CALN1: variants seen among roughly 807,000 people sequenced by gnomAD.
CALN1 encodes calneuron 1, also known as calcium-binding protein 8.
A neutral mutation model predicts 30.6 loss-of-function variants in CALN1; 17 were observed. The observed-to-expected ratio is 0.56, with a 90% CI of 0.38 to 0.83. The LOEUF (loss-of-function observed/expected upper bound fraction) is 0.83, where lower values mean the gene tolerates loss of function less well. CALN1 is among the 40% of genes least tolerant of loss of function. The pLI is 0.00. For synonymous variants in CALN1, 156 were observed against 131.4 expected, an observed-to-expected ratio of 1.19 and a Z score of -1.28; for missense variants, 291 against 354.9, an observed-to-expected ratio of 0.82 and a Z score of 1.45.
chr7:71,858,133 G>T (rs1791060250), intron 5 of CALN1, among the ~76,000 whole-genome samples: 1 of 152,106 alleles, frequency 6.6e-6, no homozygotes, highest in Non-Finnish European at 1.5e-5. Flanking sequence ...TTAAATCATG[G>T]GGGTGGTTAC....
intron 3 of CALN1, among the ~76,000 whole-genome samples, chr7:72,154,785 G>A (rs1585052652): frequency 1.3e-5 from 2 of 152,260 alleles, no homozygotes; most frequent in East Asian, 1.9e-4. Context: ...TCTCATGCCT[G>A]TAATCCCAAT....
rs562373906 is a variant in CALN1 at position 71,931,170 on chromosome 7, C to CT, written c.501+92486dup. ...GTACATGAATAAGAAAAACTGAATT[C>CT]TTTTTTTAGAGGGGATAACATTTTG... On this transcript the variant is annotated intron_variant, in intron 5 of 6. Transcript: ENST00000395275. Among the ~76,000 whole-genome samples the CT allele has an allele frequency of 4.3e-3, 648 of 152,182 alleles. 4 individuals carry two copies. The highest frequency in any genetic ancestry group is 0.015 in the African/African-American group (604 of 41,538).
intron 3 of CALN1, among the ~76,000 whole-genome samples, chr7:72,115,014 A>C (rs1807867987): frequency 6.6e-6 from 1 of 151,630 alleles, no homozygotes; most frequent in Non-Finnish European, 1.5e-5. Context: ...AGGAGCTCAG[A>C]AGTGTTCCCA....
chr7:71,843,985 A>G (rs1790091792), intron 5 of CALN1, among the ~76,000 whole-genome samples: 2 of 152,116 alleles, frequency 1.3e-5, no homozygotes, highest in Non-Finnish European at 1.5e-5. Context: ...TTACTCAGGA[A>G]TTGATCTCGG....
intron 6 of CALN1, among the ~76,000 whole-genome samples, chr7:71,795,030 T>G (rs992494629): frequency 3.3e-5 from 5 of 152,136 alleles, no homozygotes; most frequent in African/African-American, 9.7e-5. Flanking sequence ...TTCTTTTCTT[T>G]TTTTCTTTTT....
intron 4 of CALN1, among the ~76,000 whole-genome samples, chr7:72,054,458 CATATATATACATATATACATACATAT>C (rs1803078511): frequency 1.5e-5 from 2 of 129,074 alleles, no homozygotes; most frequent in Non-Finnish European, 3.2e-5. Flanking sequence ...CATATATATA[CATATATATACATATATACATACATAT>C]ATATATACAT....
chr7:72,029,167 C>A (rs997091067), intron 4 of CALN1, among the ~76,000 whole-genome samples: 1 of 151,852 alleles, frequency 6.6e-6, no homozygotes, highest in African/African-American at 2.4e-5. Context: ...CACTCTGTTG[C>A]CCAGGCTGGA....
chr7:72,114,476 G>C (rs891495894), intron 3 of CALN1, among the ~76,000 whole-genome samples: 1 of 151,744 alleles, frequency 6.6e-6, no homozygotes, highest in Non-Finnish European at 1.5e-5. Context: ...CAAGAGTTTG[G>C]AGACAGGTGA....
intron 5 of CALN1, among the ~76,000 whole-genome samples, chr7:71,894,592 G>A (rs1044494746): frequency 3.9e-5 from 6 of 152,144 alleles, no homozygotes; most frequent in Admixed American, 2.0e-4. Context: ...TTTCTTCAAG[G>A]TCTTAAGTTT....
intron 5 of CALN1, among the ~76,000 whole-genome samples, chr7:71,831,644 GGGA>G (rs1211050579): frequency 6.6e-6 from 1 of 151,758 alleles, no homozygotes; most frequent in African/African-American, 2.4e-5. Flanking sequence ...CCAGCACTTT[GGGA>G]GGAGGAGGTG....
At chr7:72,143,665 C>G (rs1234663022) in intron 3 of CALN1, among the ~76,000 whole-genome samples, 1 of 152,082 alleles carries the variant, frequency 6.6e-6, no homozygotes, top group African/African-American at 2.4e-5. Flanking sequence ...CTCCAAGACA[C>G]ATAATTGTCA....
At chr7:72,177,378 A>T (rs1789432510) in intron 3 of CALN1, among the ~76,000 whole-genome samples, 1 of 152,114 alleles carries the variant, frequency 6.6e-6, no homozygotes, top group Non-Finnish European at 1.5e-5. Flanking sequence ...TCTATGTAAG[A>T]CTGATCAGCA....
At chr7:72,485,041 T>C in the CALN1 span, among the ~76,000 whole-genome samples, 1 of 152,120 alleles carries the variant, frequency 6.6e-6, no homozygotes, top group Admixed American at 6.5e-5. Context: ...GACAGACAAA[T>C]AATGCACAGC....
intron 5 of CALN1, among the ~76,000 whole-genome samples, chr7:71,962,521 G>A (rs754994202): frequency 7.2e-5 from 11 of 152,184 alleles, no homozygotes; most frequent in East Asian, 1.9e-4. Flanking sequence ...ATTTGCTACC[G>A]TTTGAATGGA....
At chr7:72,036,288 T>C (rs1801795202) in intron 4 of CALN1, among the ~76,000 whole-genome samples, 2 of 152,240 alleles carry the variant, frequency 1.3e-5, no homozygotes. Flanking sequence ...TGTCTTTGTC[T>C]TTTGAAAGCT....
chr7:71,934,015 T>C (rs887215868), intron 5 of CALN1, among the ~76,000 whole-genome samples: 3 of 152,152 alleles, frequency 2.0e-5, no homozygotes, highest in Admixed American at 6.6e-5. Flanking sequence ...TATGGGAATG[T>C]AGGTTCACTC....
intron 4 of CALN1, among the ~76,000 whole-genome samples, chr7:72,070,239 T>C (rs1721454879): frequency 6.6e-6 from 1 of 152,208 alleles, no homozygotes; most frequent in Admixed American, 6.5e-5. Flanking sequence ...TGCAGAATCA[T>C]TATGGCATTC....
intron 5 of CALN1, among the ~76,000 whole-genome samples, chr7:71,996,695 A>C (rs1028399842): frequency 2.0e-5 from 3 of 152,194 alleles, no homozygotes; most frequent in African/African-American, 7.2e-5. Context: ...ATTACCCTGG[A>C]TGATGGGTTG....
chr7:72,327,114 C>T (rs1801332512), intron 2 of CALN1, among the ~76,000 whole-genome samples: 1 of 152,180 alleles, frequency 6.6e-6, no homozygotes, highest in Admixed American at 6.5e-5. Flanking sequence ...AGCCCCCAAG[C>T]CCAGTCTGTA....
Sources: gnomAD v4.1 joint callset for allele counts (sites outside exome capture counted in the v4.1 genomes callset) on GRCh38, gnomAD v4.1.1 for gene constraint, MANE v1.5 for transcripts, NCBI Gene and HGNC (gene_info 2026-07-23, HGNC 2026-07-21) for gene names.